B3GALT1: variants seen among roughly 807,000 people sequenced by gnomAD.
The protein encoded by B3GALT1 is UDP-Gal:betaGlcNAc beta 1,3-galactosyltransferase, polypeptide 1.
A neutral mutation model predicts 23.2 loss-of-function variants in B3GALT1; 10 were observed. The observed-to-expected ratio is 0.43, with a 90% CI of 0.27 to 0.73. B3GALT1 has a LOEUF of 0.73. Among genes scored for constraint, B3GALT1 ranks in the 30% least tolerant of loss-of-function variants. The probability of loss-of-function intolerance (pLI) is 0.21; values close to 1 mark genes in which losing one functional copy is unlikely to be tolerated. For missense variants in B3GALT1, 299 were observed against 405.4 expected, an observed-to-expected ratio of 0.74 and a Z score of 2.25; for synonymous variants, 156 against 141.5, an observed-to-expected ratio of 1.10 and a Z score of -0.73.
intron 2 of B3GALT1, among the ~76,000 whole-genome samples, chr2:167,526,823 G>A (rs1040772188): frequency 6.6e-6 from 1 of 152,008 alleles, no homozygotes; most frequent in African/African-American, 2.4e-5. Context: ...TTAGAAAACA[G>A]CAAAGAAAGA....
At chr2:167,759,097 C>T (rs1687862322) in intron 3 of B3GALT1, among the ~76,000 whole-genome samples, 1 of 152,158 alleles carries the variant, frequency 6.6e-6, no homozygotes, top group Non-Finnish European at 1.5e-5. Context: ...AATACATTTC[C>T]AAATGCCAAC....
chr2:167,351,442 C>T (rs941056843), intron 1 of B3GALT1, among the ~76,000 whole-genome samples: 77 of 152,232 alleles, frequency 5.1e-4, no homozygotes, highest in African/African-American at 1.8e-3. Context: ...AAGTATACCT[C>T]CTGACAATAA....
At chr2:167,477,613 G>A (rs1023595878) in intron 1 of B3GALT1, among the ~76,000 whole-genome samples, 6 of 152,138 alleles carry the variant, frequency 3.9e-5, no homozygotes, top group African/African-American at 1.4e-4. Flanking sequence ...CATTTTATGG[G>A]CGCTATAATG....
chr2:167,654,801 CT>C (rs5836154), intron 3 of B3GALT1, among the ~76,000 whole-genome samples: 110,580 of 145,172 alleles, frequency 0.76, 43,256 homozygotes, highest in Non-Finnish European at 0.86. Context: ...CAGCCTCTTT[CT>C]TTTTTTTTTT....
At chr2:167,563,143 C>A (rs1338637516) in intron 2 of B3GALT1, among the ~76,000 whole-genome samples, 1 of 152,072 alleles carries the variant, frequency 6.6e-6, no homozygotes, top group Non-Finnish European at 1.5e-5. Context: ...TCATCATGGC[C>A]CGGTCTCAGT....
chr2:167,764,678 G>A (rs1054423583), intron 3 of B3GALT1, among the ~76,000 whole-genome samples: 1 of 152,106 alleles, frequency 6.6e-6, no homozygotes, highest in Non-Finnish European at 1.5e-5. Flanking sequence ...ATTATTTTCT[G>A]ATGTATTTCA....
At chr2:167,647,328 G>A (rs1313698560) in intron 3 of B3GALT1, among the ~76,000 whole-genome samples, 1 of 152,172 alleles carries the variant, frequency 6.6e-6, no homozygotes, top group African/African-American at 2.4e-5. Flanking sequence ...GCATGAACAG[G>A]AAAGGGAAGC....
At chr2:167,719,078 TA>T (rs1246965102) in intron 3 of B3GALT1, among the ~76,000 whole-genome samples, 2 of 152,176 alleles carry the variant, frequency 1.3e-5, no homozygotes, top group African/African-American at 2.4e-5. Context: ...CAAATTAATC[TA>T]AAAAATAGCA....
At chr2:167,311,054 A>C (rs569849839) in intron 1 of B3GALT1, among the ~76,000 whole-genome samples, 1 of 152,100 alleles carries the variant, frequency 6.6e-6, no homozygotes, top group Non-Finnish European at 1.5e-5. Flanking sequence ...TAACTACATA[A>C]AAGTTAAATA....
chr2:167,732,015 A>G (rs1464363125), intron 3 of B3GALT1, among the ~76,000 whole-genome samples: 1 of 152,188 alleles, frequency 6.6e-6, no homozygotes, highest in Non-Finnish European at 1.5e-5. Context: ...ACTCACTTGG[A>G]AGGGCAGTTT....
chr2:167,395,399 G>A (rs1376474199), intron 1 of B3GALT1, among the ~76,000 whole-genome samples: 2 of 152,066 alleles, frequency 1.3e-5, no homozygotes, highest in Non-Finnish European at 2.9e-5. Context: ...AAAGTGACAT[G>A]ATGATGGAGA....
chr2:167,325,702 C>CTTTTTTTTTTTTTTTTTTTTTTTTTTT (rs61066636), intron 1 of B3GALT1, among the ~76,000 whole-genome samples: 3 of 110,568 alleles, frequency 2.7e-5, no homozygotes, highest in South Asian at 2.8e-4. Context: ...ACCCTGTTTT[C>CTTTTTTTTTTTTTTTTTTTTTTTTTTT]TTTTTTTTTT....
At chr2:167,774,472 G>GTTTTTTTTGTTTGTTTTTTTTTTTTTTT (rs1558974686) in intron 3 of B3GALT1, among the ~76,000 whole-genome samples, 1 of 111,930 alleles carries the variant, frequency 8.9e-6, no homozygotes, top group Non-Finnish European at 1.8e-5. Context: ...GTGTTTATTG[G>GTTTTTTTTGTTTGTTTTTTTTTTTTTTT]TTTTTTTTTT....
At chr2:167,447,129 C>T (rs1482469221) in intron 1 of B3GALT1, among the ~76,000 whole-genome samples, 1 of 152,206 alleles carries the variant, frequency 6.6e-6, no homozygotes, top group African/African-American at 2.4e-5. Flanking sequence ...GAGGTCCACT[C>T]CAGACCCTGT....
intron 1 of B3GALT1, among the ~76,000 whole-genome samples, chr2:167,357,427 A>G (rs1414789633): frequency 2.0e-5 from 3 of 152,260 alleles, no homozygotes; most frequent in African/African-American, 7.2e-5. Context: ...TATTACTACC[A>G]AAAATGCCGA....
chr2:167,473,289 G>A (rs1699444142), intron 1 of B3GALT1, among the ~76,000 whole-genome samples: 1 of 152,064 alleles, frequency 6.6e-6, no homozygotes, highest in Admixed American at 6.6e-5. Flanking sequence ...TCTCTTACAA[G>A]GGTTACTTAA....
At chr2:167,742,862 T>A (rs1222905005) in intron 3 of B3GALT1, among the ~76,000 whole-genome samples, 17 of 152,280 alleles carry the variant, frequency 1.1e-4, no homozygotes, top group Admixed American at 9.8e-4. Flanking sequence ...TCCTCTAATC[T>A]GCTCTTTACT....
At chr2:167,782,384 C>G (rs910921079) in intron 3 of B3GALT1, among the ~76,000 whole-genome samples, 1 of 152,074 alleles carries the variant, frequency 6.6e-6, no homozygotes, top group Non-Finnish European at 1.5e-5. Context: ...ATGTGGGGAA[C>G]TCTTAAGGCC....
chr2:167,510,335 A>AT (rs1021925309), intron 2 of B3GALT1, among the ~76,000 whole-genome samples: 5 of 149,450 alleles, frequency 3.3e-5, no homozygotes, highest in Non-Finnish European at 1.5e-5. Context: ...TTCTTGTTAT[A>AT]TTTTTTTAAT....
Sources: gnomAD v4.1 joint callset for allele counts (sites outside exome capture counted in the v4.1 genomes callset) on GRCh38, gnomAD v4.1.1 for gene constraint, MANE v1.5 for transcripts, NCBI Gene and HGNC (gene_info 2026-07-23, HGNC 2026-07-21) for gene names.